Variants in IL16 observed in about 807,000 individuals in gnomAD.
The protein encoded by IL16 is interleukin 16, also known as pro-interleukin-16.
In IL16, 67 loss-of-function variants were observed where a neutral mutation model predicts 110.1. The observed-to-expected ratio is 0.61, with a 90% CI of 0.50 to 0.75. The LOEUF (loss-of-function observed/expected upper bound fraction) is 0.75, where lower values mean the gene tolerates loss of function less well. Among genes scored for constraint, IL16 ranks in the 30% least tolerant of loss-of-function variants. The pLI is 0.00. For synonymous variants in IL16, 689 were observed against 662.9 expected, an observed-to-expected ratio of 1.04 and a Z score of -0.61; for missense variants, 1,545 against 1,655.0, an observed-to-expected ratio of 0.93 and a Z score of 1.15.
intron 10 of IL16, chr15:81,289,831 A>T (rs1899625070): frequency 2.5e-6 from 1 of 407,696 alleles, no homozygotes; most frequent in East Asian, 7.1e-5. Flanking sequence ...TGTACTTTTG[A>T]TGTCAAATAA....
rs1224978468 is a variant in IL16, at chr15:81,313,450, C to A, written c.*4652C>A. 1.6e-5 allele frequency: 23 copies of A among 1,450,392 alleles called. No homozygotes were observed. The highest frequency in any genetic ancestry group is 2.0e-5 in the Non-Finnish European group (22 of 1,096,058). 89.8% of individuals were successfully genotyped at this position (1,450,392 alleles called of 1,614,324 possible). ...TGTGTTATGATCTGCAGCAGAGGTG[C>A]TGGGGACGAGCGCCAGGCAGGTGAG... is the stretch of plus-strand genomic sequence containing the variant. On this transcript the variant is annotated 3_prime_UTR_variant, in exon 19 of 19. Transcript: ENST00000683961.
At chr15:81,283,144 C>T (rs1490400247) in intron 9 of IL16, among the ~76,000 whole-genome samples, 1 of 152,182 alleles carries the variant, frequency 6.6e-6, no homozygotes, top group East Asian at 1.9e-4. Flanking sequence ...AGGACCAGAC[C>T]GAGGTGGGGC....
intron 5 of IL16, among the ~76,000 whole-genome samples, chr15:81,270,169 T>A (rs531810349): frequency 6.0e-4 from 92 of 152,338 alleles, no homozygotes; most frequent in African/African-American, 2.2e-3. Context: ...CTCAAGATGA[T>A]GAAACATCAT....
chr15:81,221,568 AT>A (rs1399625021), intron 1 of IL16, among the ~76,000 whole-genome samples: 1 of 152,100 alleles, frequency 6.6e-6, no homozygotes, highest in African/African-American at 2.4e-5. Context: ...TGTGTTTTCA[AT>A]TATTCTCTCT....
chr15:81,227,751 G>C (rs900545772), intron 2 of IL16, among the ~76,000 whole-genome samples: 2 of 151,564 alleles, frequency 1.3e-5, no homozygotes, highest in African/African-American at 4.9e-5. Context: ...AGACCAGTGA[G>C]GGGGACTGCA....
intron 2 of IL16, among the ~76,000 whole-genome samples, chr15:81,226,691 C>T (rs1298544963): frequency 6.6e-5 from 10 of 152,296 alleles, no homozygotes; most frequent in Middle Eastern, 3.4e-3. Flanking sequence ...AGAGCCTCAC[C>T]CAGCCCAGTC....
At chr15:81,197,260 A>T in intron 1 of IL16, 108 bp downstream of exon 1, 4 of 668,766 alleles carry the variant, frequency 6.0e-6, no homozygotes, top group Non-Finnish European at 4.3e-6. Context: ...CTAGGACGTA[A>T]CTTCATATTT....
chr15:81,226,694 G>C (rs1448656459), intron 2 of IL16, among the ~76,000 whole-genome samples: 1 of 152,146 alleles, frequency 6.6e-6, no homozygotes, highest in Admixed American at 6.5e-5. Context: ...GCCTCACCCA[G>C]CCCAGTCTGC....
At chr15:81,306,666 A>G in intron 18 of IL16, 121 bp downstream of exon 18, 1 of 1,228,126 alleles carries the variant, frequency 8.1e-7, no homozygotes, top group Non-Finnish European at 1.2e-6. Flanking sequence ...TCCTCTTCAT[A>G]GGCATGCTGG....
At chr15:81,276,399 G>C (rs866631907) in intron 6 of IL16, among the ~76,000 whole-genome samples, 2 of 152,176 alleles carry the variant, frequency 1.3e-5, no homozygotes, top group Non-Finnish European at 2.9e-5. Flanking sequence ...TGGCGGGGAG[G>C]GCTGCTGGAT....
rs747999557 is a variant in IL16, at chr15:81,278,873, GC to G, written c.848del (p.Ala283ValfsTer17). 12 of 1,612,684 alleles carry G rather than the reference GC, an allele frequency of 7.4e-6. No individual in the cohort carries two copies. The highest frequency in any genetic ancestry group is 1.7e-5 in the Admixed American group (1 of 60,002). On this transcript the variant is annotated frameshift_variant, in exon 7 of 19. Coordinates refer to ENST00000683961, the MANE Select transcript of IL16 (RefSeq NM_172217.5). LOFTEE classifies it high-confidence loss of function. ...ESMAGLTHQD[A>X]LQKFKQAKKG... ...AATGGCTGGACTAACACATCAGGAT[GC>G]TTTGCAGAAGTTCAAGGTGACCATT...
At chr15:81,252,452 A>C (rs1204230490) in intron 2 of IL16, among the ~76,000 whole-genome samples, 1 of 152,224 alleles carries the variant, frequency 6.6e-6, no homozygotes, top group Non-Finnish European at 1.5e-5. Flanking sequence ...AGATGAGTGA[A>C]TATTCTATTT....
intron 2 of IL16, among the ~76,000 whole-genome samples, chr15:81,234,712 A>ATCAC (rs1373221131): frequency 1.3e-5 from 2 of 152,194 alleles, no homozygotes; most frequent in Non-Finnish European, 2.9e-5. Flanking sequence ...TCTCGGTAAG[A>ATCAC]TCACTTCCTT....
chr15:81,249,927 ACTGT>A (rs1897707947), intron 2 of IL16, among the ~76,000 whole-genome samples: 1 of 151,960 alleles, frequency 6.6e-6, no homozygotes, highest in African/African-American at 2.4e-5. Context: ...TCTCTTTAAC[ACTGT>A]CTAATACACT....
chr15:81,308,351 T>G (rs1217923457), intron 18 of IL16, among the ~76,000 whole-genome samples: 2 of 152,228 alleles, frequency 1.3e-5, no homozygotes, highest in Non-Finnish European at 2.9e-5. Context: ...TGGAGCTGCC[T>G]GATATTTCCC....
chr15:81,204,993 C>T lies in IL16; in HGVS notation c.-102+7841C>T, dbSNP rs542032585. On this transcript the variant is annotated intron_variant, in intron 1 of 18. Transcript: ENST00000683961. ...TAAGTCTCAGTGACGGTTGTTAATACGATTTTGAAATAAAGCAAATGATAA... is the reference window on the plus strand; with the variant it reads ...TAAGTCTCAGTGACGGTTGTTAATATGATTTTGAAATAAAGCAAATGATAA... Among the ~76,000 whole-genome samples the T allele has an allele frequency of 1.4e-4, 22 of 152,114 alleles. No homozygotes were observed. The South Asian group carries it at 3.5e-3, about 24-fold the overall frequency.
At chr15:81,211,329 G>A (rs1347043898) in intron 1 of IL16, among the ~76,000 whole-genome samples, 1 of 151,420 alleles carries the variant, frequency 6.6e-6, no homozygotes, top group Non-Finnish European at 1.5e-5. Context: ...TCTGCTGACT[G>A]CAACCTCCAC....
intron 1 of IL16, among the ~76,000 whole-genome samples, chr15:81,214,177 T>C (rs536481337): frequency 6.6e-6 from 1 of 152,336 alleles, no homozygotes; most frequent in Non-Finnish European, 1.5e-5. Context: ...TTAGCTTTCT[T>C]TCACTTATGA....
intron 1 of IL16, among the ~76,000 whole-genome samples, chr15:81,214,024 G>GT (rs34964294): frequency 1.5e-3 from 227 of 149,382 alleles, no homozygotes; most frequent in Middle Eastern, 6.8e-3. Flanking sequence ...TGTGCATTTT[G>GT]TTTTTTTTTT....
Sources: gnomAD v4.1 joint callset for allele counts (sites outside exome capture counted in the v4.1 genomes callset) on GRCh38, gnomAD v4.1.1 for gene constraint, MANE v1.5 for transcripts, NCBI Gene and HGNC (gene_info 2026-07-23, HGNC 2026-07-21) for gene names.